Variants in GALNT17 observed in about 807,000 individuals in gnomAD.
The protein encoded by GALNT17 is UDP-GalNAc:polypeptide N-acetylgalactosaminyltransferase-like 3.
GALNT17 carries 29 observed loss-of-function variants against 63.7 expected under a neutral mutation model. The observed-to-expected ratio is 0.46, with a 90% CI of 0.34 to 0.62. The LOEUF (loss-of-function observed/expected upper bound fraction) is 0.62. Among genes scored for constraint, GALNT17 ranks in the 20% least tolerant of loss-of-function variants. The pLI is 0.01. For missense variants in GALNT17, 603 were observed against 799.6 expected, an observed-to-expected ratio of 0.75 and a Z score of 2.97; for synonymous variants, 305 against 318.3, an observed-to-expected ratio of 0.96 and a Z score of 0.45.
chr7:71,690,780 G>C (rs561660165), intron 9 of GALNT17, among the ~76,000 whole-genome samples: 1 of 152,322 alleles, frequency 6.6e-6, no homozygotes, highest in South Asian at 2.1e-4. Context: ...TCCAGATGTG[G>C]TGGAAACAGC....
At chr7:71,449,656 C>T (rs780281702) in intron 5 of GALNT17, among the ~76,000 whole-genome samples, 4 of 151,986 alleles carry the variant, frequency 2.6e-5, no homozygotes, top group South Asian at 2.1e-4. Context: ...TTTTTCTTGG[C>T]GACACATATT....
rs760600148 is a variant in GALNT17 at position 71,335,657 on chromosome 7, G to C, written c.346G>C (p.Glu116Gln). Residue 116 changes from glutamate to glutamine, a missense_variant, in exon 2 of 11, where the codon GAG becomes CAG. Coordinates refer to ENST00000333538, the MANE Select transcript of GALNT17 (RefSeq NM_022479.3). ...AGAAGAAAAGGCTAAGGGACCCCAT[G>C]AGAAGTATGGCTACAATTCATACCT... ...AEEEKAKGPH[E>Q]KYGYNSYLSE... 3.7e-6 allele frequency: 6 copies of C among 1,613,728 alleles called. No individual in the cohort carries two copies. In the South Asian group the frequency reaches 6.6e-5, roughly 18 times the overall value.
At chr7:71,625,102 C>A (rs1790352714) in intron 6 of GALNT17, among the ~76,000 whole-genome samples, 1 of 152,078 alleles carries the variant, frequency 6.6e-6, no homozygotes, top group Admixed American at 6.6e-5. Flanking sequence ...AGAACCTAAC[C>A]AAGTCCATGT....
At chr7:71,201,687 A>G (rs1789174724) in intron 1 of GALNT17, among the ~76,000 whole-genome samples, 1 of 151,246 alleles carries the variant, frequency 6.6e-6, no homozygotes, top group African/African-American at 2.4e-5. Context: ...CTGGAGTGCA[A>G]ATGGCATGCT....
intron 1 of GALNT17, among the ~76,000 whole-genome samples, chr7:71,306,411 C>A (rs905692160): frequency 1.3e-5 from 2 of 151,828 alleles, no homozygotes; most frequent in Non-Finnish European, 2.9e-5. Flanking sequence ...GCTGTCAACG[C>A]CCCCCACTAT....
At chr7:71,314,407 A>G (rs1791464959) in intron 1 of GALNT17, among the ~76,000 whole-genome samples, 1 of 152,148 alleles carries the variant, frequency 6.6e-6, no homozygotes, top group South Asian at 2.1e-4. Context: ...TGAGAGAGAA[A>G]GAGAGGGTGT....
chr7:71,684,130 A>AG (rs1791313971), intron 9 of GALNT17, among the ~76,000 whole-genome samples: 1 of 151,980 alleles, frequency 6.6e-6, no homozygotes, highest in African/African-American at 2.4e-5. Context: ...CAGTTCTACC[A>AG]GGCTGTTGCC....
At chr7:71,516,197 A>AT (rs920639247) in intron 5 of GALNT17, among the ~76,000 whole-genome samples, 2 of 152,142 alleles carry the variant, frequency 1.3e-5, no homozygotes, top group Non-Finnish European at 2.9e-5. Flanking sequence ...GAAGGAGGCC[A>AT]TTTGGGGAGA....
intron 3 of GALNT17, among the ~76,000 whole-genome samples, chr7:71,401,885 A>G (rs1305408546): frequency 6.6e-6 from 1 of 152,202 alleles, no homozygotes; most frequent in Non-Finnish European, 1.5e-5. Context: ...TGCACAATAA[A>G]TGTAATGCTC....
intron 1 of GALNT17, among the ~76,000 whole-genome samples, chr7:71,189,740 T>C (rs1184124148): frequency 6.6e-6 from 1 of 152,094 alleles, no homozygotes; most frequent in African/African-American, 2.4e-5. Context: ...AGTTTGAGCT[T>C]TTAATATCTT....
chr7:71,488,574 C>CTTTT (rs965444360), intron 5 of GALNT17, among the ~76,000 whole-genome samples: 47 of 100,560 alleles, frequency 4.7e-4, no homozygotes, highest in Non-Finnish European at 6.1e-4. Flanking sequence ...ACTTGCCCTT[C>CTTTT]TTTTTTTTTT....
chr7:71,170,246 G>A (rs111757008), intron 1 of GALNT17, among the ~76,000 whole-genome samples: 3 of 152,236 alleles, frequency 2.0e-5, no homozygotes, highest in African/African-American at 7.2e-5. Flanking sequence ...GAATATCCAG[G>A]ATGCTGTTTT....
At chr7:71,277,796 C>T (rs934738241) in intron 1 of GALNT17, among the ~76,000 whole-genome samples, 8 of 152,114 alleles carry the variant, frequency 5.3e-5, no homozygotes, top group Non-Finnish European at 1.0e-4. Flanking sequence ...TCTTTTTCAC[C>T]CCAGTGCCCA....
At chr7:71,361,322 T>G (rs1306540702) in intron 2 of GALNT17, among the ~76,000 whole-genome samples, 2 of 152,224 alleles carry the variant, frequency 1.3e-5, no homozygotes, top group Non-Finnish European at 2.9e-5. Context: ...ATTTTACCTG[T>G]GATATGGGTG....
intron 3 of GALNT17, among the ~76,000 whole-genome samples, chr7:71,411,750 GGGGCC>G (rs1793433857): frequency 6.6e-6 from 1 of 152,154 alleles, no homozygotes; most frequent in South Asian, 2.1e-4. Flanking sequence ...GGTACTATCA[GGGGCC>G]TTCTGTTTGT....
intron 9 of GALNT17, among the ~76,000 whole-genome samples, chr7:71,689,296 A>G (rs910017980): frequency 6.6e-6 from 1 of 152,222 alleles, no homozygotes; most frequent in African/African-American, 2.4e-5. Context: ...AATAAGGCTG[A>G]AAGCTAGGCC....
intron 1 of GALNT17, among the ~76,000 whole-genome samples, chr7:71,287,470 T>C (rs1376711265): frequency 6.6e-6 from 1 of 152,140 alleles, no homozygotes; most frequent in Admixed American, 6.5e-5. Context: ...TCTCGTCTCA[T>C]AGCCAAATAG....
intron 1 of GALNT17, among the ~76,000 whole-genome samples, chr7:71,160,680 A>G (rs1788326142): frequency 6.6e-6 from 1 of 152,068 alleles, no homozygotes; most frequent in African/African-American, 2.4e-5. Context: ...GCTGGTCTCA[A>G]ACTCCCAACC....
intron 9 of GALNT17, among the ~76,000 whole-genome samples, chr7:71,707,009 A>G (rs1258035082): frequency 6.6e-6 from 1 of 152,198 alleles, no homozygotes; most frequent in Non-Finnish European, 1.5e-5. Flanking sequence ...ACCAAAAGAA[A>G]GCGGCCAGCA....
Sources: allele counts gnomAD v4.1 joint callset (sites outside exome capture counted in the v4.1 genomes callset), GRCh38; gene constraint gnomAD v4.1.1; transcripts MANE v1.5; gene names NCBI Gene and HGNC (gene_info 2026-07-23, HGNC 2026-07-21).